Variants in ELMO1 observed in about 807,000 individuals in gnomAD.
The protein encoded by ELMO1 is engulfment and cell motility protein 1.
A neutral mutation model predicts 98.9 loss-of-function variants in ELMO1; 26 were observed. That is an observed-to-expected ratio of 0.26 (90% confidence interval 0.19 to 0.36). The LOEUF (loss-of-function observed/expected upper bound fraction) is 0.36. Among genes scored for constraint, ELMO1 ranks in the 10% least tolerant of loss-of-function variants. ELMO1 has a pLI of 1.00. For synonymous variants in ELMO1, 346 were observed against 346.0 expected (o/e 1.00, Z 0.00); for missense variants, 627 against 935.2 (o/e 0.67, Z 4.30).
chr7:37,022,140 AAAC>A (rs1323670536), intron 15 of ELMO1, among the ~76,000 whole-genome samples: 1 of 152,208 alleles, frequency 6.6e-6, no homozygotes, highest in African/African-American at 2.4e-5. Flanking sequence ...GCAAAAGGAA[AAAC>A]AATAAAGTTG....
At chr7:36,973,812 G>A (rs1035796346) in intron 16 of ELMO1, among the ~76,000 whole-genome samples, 1 of 152,216 alleles carries the variant, frequency 6.6e-6, no homozygotes, top group South Asian at 2.1e-4. Context: ...CCAGATGGGC[G>A]TGGTCTTGGC....
At chr7:36,971,223 T>C (rs1380600739) in intron 16 of ELMO1, among the ~76,000 whole-genome samples, 2 of 152,176 alleles carry the variant, frequency 1.3e-5, no homozygotes, top group East Asian at 3.8e-4. Flanking sequence ...TAACAGGCCT[T>C]ACCACCAAGG....
intron 15 of ELMO1, among the ~76,000 whole-genome samples, chr7:37,051,030 C>T (rs1388062105): frequency 6.6e-6 from 1 of 152,158 alleles, no homozygotes; most frequent in Non-Finnish European, 1.5e-5. Context: ...CATAAGAATT[C>T]TTTCTTTGAC....
intron 9 of ELMO1, among the ~76,000 whole-genome samples, chr7:37,223,614 C>T (rs139706783): frequency 2.3e-4 from 35 of 152,212 alleles, no homozygotes; most frequent in African/African-American, 8.2e-4. Context: ...AAGATGTGTG[C>T]CTTTGAGATT....
At chr7:37,053,052 G>C (rs1796195538) in intron 15 of ELMO1, among the ~76,000 whole-genome samples, 6 of 152,130 alleles carry the variant, frequency 3.9e-5, no homozygotes, top group Admixed American at 2.6e-4. Flanking sequence ...ACTTTTGTCA[G>C]ATTATTCCTC....
At chr7:37,122,527 A>G (rs895545326) in intron 14 of ELMO1, among the ~76,000 whole-genome samples, 3 of 152,242 alleles carry the variant, frequency 2.0e-5, no homozygotes, top group Non-Finnish European at 4.4e-5. Context: ...ACAAAGATCA[A>G]AAGAGACGAA....
intron 16 of ELMO1, among the ~76,000 whole-genome samples, chr7:36,962,251 T>C (rs1217754615): frequency 6.6e-6 from 1 of 152,198 alleles, no homozygotes; most frequent in African/African-American, 2.4e-5. Flanking sequence ...TAAAGAATAC[T>C]GATTCTCAGG....
chr7:37,366,662 G>C (rs1475767437), intron 1 of ELMO1, among the ~76,000 whole-genome samples: 1 of 152,132 alleles, frequency 6.6e-6, no homozygotes, highest in African/African-American at 2.4e-5. Flanking sequence ...TACCACAAAG[G>C]AAACTCAATG....
At chr7:37,322,800 T>A (rs981537658) in intron 2 of ELMO1, among the ~76,000 whole-genome samples, 2 of 152,076 alleles carry the variant, frequency 1.3e-5, no homozygotes, top group Admixed American at 1.3e-4. Context: ...CCAGCCTGGG[T>A]GACAGAGCCA....
At chr7:36,906,202 C>A (rs1335676563) in intron 16 of ELMO1, among the ~76,000 whole-genome samples, 1 of 152,224 alleles carries the variant, frequency 6.6e-6, no homozygotes, top group African/African-American at 2.4e-5. Context: ...TGAAACTGTT[C>A]ATGAACTTGC....
At chr7:37,222,569 G>A (rs1186602678) in intron 10 of ELMO1, 46 bp downstream of exon 10, 1 of 1,584,510 alleles carries the variant, frequency 6.3e-7, no homozygotes. Flanking sequence ...TGCACACAAA[G>A]TTCCTAGCCT....
At chr7:36,878,964 C>T (rs1373525378) in intron 18 of ELMO1, among the ~76,000 whole-genome samples, 1 of 152,214 alleles carries the variant, frequency 6.6e-6, no homozygotes, top group Non-Finnish European at 1.5e-5. Flanking sequence ...CTCTTTATCC[C>T]TGCAGCCGAA....
intron 15 of ELMO1, among the ~76,000 whole-genome samples, chr7:37,073,033 C>T (rs1797366011): frequency 1.3e-5 from 2 of 152,220 alleles, no homozygotes; most frequent in African/African-American, 4.8e-5. Flanking sequence ...ATCTAAGTAA[C>T]TATACATACA....
intron 13 of ELMO1, among the ~76,000 whole-genome samples, chr7:37,209,125 G>C (rs557844212): frequency 1.3e-5 from 2 of 152,256 alleles, no homozygotes; most frequent in East Asian, 3.9e-4. Flanking sequence ...AGAATGTTAA[G>C]ACAGATGGAG....
At chr7:37,306,718 G>A (rs1798630298) in intron 4 of ELMO1, among the ~76,000 whole-genome samples, 2 of 151,972 alleles carry the variant, frequency 1.3e-5, no homozygotes, top group South Asian at 2.1e-4. Flanking sequence ...TACTGGAGGT[G>A]GAAATATCAC....
intron 18 of ELMO1, among the ~76,000 whole-genome samples, chr7:36,885,175 G>T (rs1437396957): frequency 6.6e-6 from 1 of 152,136 alleles, no homozygotes; most frequent in Non-Finnish European, 1.5e-5. Context: ...TCGGAAGGAT[G>T]ATTTTGTATT....
rs144556953 is a variant in ELMO1, at chr7:36,925,352, A to C, written c.1438-30335T>G. ...CAGAGTCTGGGAAGAGCAGCCCTGCAATCTATACATAGCTCCCAGCCCCTC... is the reference window on the plus strand; with the variant it reads ...CAGAGTCTGGGAAGAGCAGCCCTGCCATCTATACATAGCTCCCAGCCCCTC... On this transcript the variant is annotated intron_variant, in intron 16 of 21. Coordinates refer to ENST00000310758, the MANE Select transcript of ELMO1 (RefSeq NM_014800.11). Among the ~76,000 whole-genome samples, 296 of 152,326 alleles carry C rather than the reference A, an allele frequency of 1.9e-3. 2 individuals are homozygous for C. Among genetic ancestry groups the C allele is most frequent in the African/African-American group, 6.8e-3 (284 of 41,584 alleles).
At chr7:37,176,722 A>G (rs1398552754) in intron 13 of ELMO1, among the ~76,000 whole-genome samples, 3 of 152,234 alleles carry the variant, frequency 2.0e-5, no homozygotes, top group Admixed American at 6.5e-5. Context: ...CAAACAGGAA[A>G]CAAAAATAAC....
intron 15 of ELMO1, among the ~76,000 whole-genome samples, chr7:37,028,881 T>C (rs959565227): frequency 2.6e-5 from 4 of 152,232 alleles, no homozygotes; most frequent in Non-Finnish European, 5.9e-5. Context: ...AAAATCAAGC[T>C]AATCAGACCA....
Sources: allele counts gnomAD v4.1 joint callset (sites outside exome capture counted in the v4.1 genomes callset), GRCh38; gene constraint gnomAD v4.1.1; transcripts MANE v1.5; gene names NCBI Gene and HGNC (gene_info 2026-07-23, HGNC 2026-07-21).